The following KCNV2 variants were observed in gnomAD, a reference collection of about 807,000 sequenced individuals.
The protein encoded by KCNV2 is potassium voltage-gated channel modifier subfamily V member 2, also known as potassium voltage-gated channel subfamily V member 2.
KCNV2 carries 65 observed loss-of-function variants against 37.0 expected under a neutral mutation model. The observed-to-expected ratio is 1.76, with a 90% CI of 1.44 to 2.16. The LOEUF is 2.16. KCNV2 is among the 30% of genes most tolerant of loss of function. The pLI is 0.00. For synonymous variants in KCNV2, 518 were observed against 328.6 expected (o/e 1.58, Z -6.23); for missense variants, 1,232 against 766.7 (o/e 1.61, Z -7.17).
chr9:2,719,940 A>C (rs1436945639), intron 1 of KCNV2, among the ~76,000 whole-genome samples: 2 of 152,252 alleles, frequency 1.3e-5, no homozygotes, highest in African/African-American at 4.8e-5. Context: ...TGTTTACTCA[A>C]ATATCTGTAT....
intron 1 of KCNV2, among the ~76,000 whole-genome samples, chr9:2,724,037 G>A (rs1369849539): frequency 6.6e-6 from 1 of 151,106 alleles, no homozygotes; most frequent in Non-Finnish European, 1.5e-5. Flanking sequence ...GGGTTGGGGG[G>A]TGGAGGGCAT....
chr9:2,723,297 ATTC>A (rs1233493072), intron 1 of KCNV2, among the ~76,000 whole-genome samples: 3 of 152,152 alleles, frequency 2.0e-5, no homozygotes, highest in African/African-American at 7.2e-5. Context: ...TCTCTTATCC[ATTC>A]TTTTATGTAT....
At chr9:2,724,482 A>G (rs754359513) in intron 1 of KCNV2, among the ~76,000 whole-genome samples, 17 of 152,224 alleles carry the variant, frequency 1.1e-4, no homozygotes, top group Non-Finnish European at 2.2e-4. Flanking sequence ...GGAAAAGCAG[A>G]AAGAGAAAAC....
In KCNV2 at chr9:2,718,486, C is replaced by T; in HGVS notation, c.747C>T (p.Leu249=). ...YGPQRRRLWN[L]MEKPFSSVAA... The stretch of plus-strand genomic sequence containing the variant: ...CGCAGCGGCGCCGCCTCTGGAACCT[C>T]ATGGAGAAGCCATTCTCCTCGGTGG... The change falls in exon 1 of 2, where the codon CTC becomes CTT. Residue 249 remains leucine, a synonymous_variant. Transcript: ENST00000382082. 2 of 1,610,714 alleles carry T rather than the reference C, an allele frequency of 1.2e-6. No individual in the cohort carries two copies. Among genetic ancestry groups the T allele is most frequent in the Non-Finnish European group, 1.7e-6 (2 of 1,179,122 alleles).
At position 2,721,712 on chromosome 9, in the gene KCNV2, AAGAC is replaced by A. The variant is rs1300465238; in HGVS notation, c.1356+2621_1356+2624del. The stretch of plus-strand genomic sequence containing the variant: ...TCTGGAGCTTACATTCTAATGGAGA[AAGAC>A]AGATAATAAATAATTTCAGGTATTG... On this transcript the variant is annotated intron_variant, in intron 1 of 1. Coordinates refer to ENST00000382082, the MANE Select transcript of KCNV2 (RefSeq NM_133497.4). Among the ~76,000 whole-genome samples the A allele has an allele frequency of 3.3e-5, 5 of 152,310 alleles. No homozygotes were observed. The East Asian group carries it at 9.6e-4, about 29-fold the overall frequency.
chr9:2,718,974 GC>G lies in KCNV2; in HGVS notation c.1236del (p.Cys413AlafsTer41), dbSNP rs1381808187. The G allele has an allele frequency of 6.2e-7, 1 of 1,611,130 alleles. No homozygotes were observed. Among genetic ancestry groups the G allele is most frequent in the African/African-American group, 1.3e-5 (1 of 74,960 alleles). On this transcript the variant is annotated frameshift_variant, in exon 1 of 2. Coordinates refer to ENST00000382082, the MANE Select transcript of KCNV2 (RefSeq NM_133497.4). LOFTEE classifies it high-confidence loss of function. ...CTGCGCCAGTGCTACCAGCAGGTGG[GC>G]TGCCTGCTGCTCTTCATCGCCATGG... ...FTLRQCYQQV[G>X]CLLLFIAMGI...
chr9:2,726,248 C>A (rs1819965540), intron 1 of KCNV2, among the ~76,000 whole-genome samples: 1 of 152,126 alleles, frequency 6.6e-6, no homozygotes, highest in Non-Finnish European at 1.5e-5. Context: ...AGCCAAGGAA[C>A]AAGAAACAGA....
At position 2,717,792 on chromosome 9, in the gene KCNV2, C is replaced by T; in HGVS notation, c.53C>T (p.Thr18Met). The stretch of plus-strand genomic sequence containing the variant: ...TCCTGGAGCTACAGGCCCTGGAACA[C>T]GACGGAGAATGAGGGCAGCCAACAC... ...RRSWSYRPWNTTENEGSQHRR... is the reference protein window; with the variant it reads ...RRSWSYRPWNMTENEGSQHRR... The change falls in exon 1 of 2, where the codon ACG (threonine) becomes ATG (methionine). Residue 18 changes from threonine to methionine, a missense_variant. Transcript: ENST00000382082. 1 of 1,614,188 alleles carries T rather than the reference C, an allele frequency of 6.2e-7. No individual in the cohort carries two copies. The highest frequency in any genetic ancestry group is 8.5e-7 in the Non-Finnish European group (1 of 1,180,026).
In KCNV2 at chr9:2,718,122, C is replaced by A; in HGVS notation, c.383C>A (p.Thr128Asn). The A allele has an allele frequency of 6.2e-7, 1 of 1,603,420 alleles. No homozygotes were observed. Among genetic ancestry groups the A allele is most frequent in the Non-Finnish European group, 8.5e-7 (1 of 1,175,508 alleles). The change falls in exon 1 of 2, where the codon ACC (threonine) becomes AAC (asparagine). Residue 128 changes from threonine to asparagine, a missense_variant. Transcript: ENST00000382082. Reference sequence around the variant, plus strand: ...AAGACGCGCCTAGGTCGCCTGGCCACCTCCACCAGCCGCAGCCGCCAGCTA... The same window carrying A: ...AAGACGCGCCTAGGTCGCCTGGCCAACTCCACCAGCCGCAGCCGCCAGCTA... ...FPKTRLGRLATSTSRSRQLSL... is the reference protein window; with the variant it reads ...FPKTRLGRLANSTSRSRQLSL...
chr9:2,718,196 C>T lies in KCNV2; in HGVS notation c.457C>T (p.Arg153Cys), dbSNP rs771471592. The T allele has an allele frequency of 1.2e-6, 2 of 1,613,340 alleles. No homozygotes were observed. The highest frequency in any genetic ancestry group is 1.7e-5 in the Admixed American group (1 of 59,974). ...EEQTDEYFFD[R>C]DPAVFQLVYN... ...GCAGACAGACGAATACTTCTTCGAC[C>T]GCGACCCGGCCGTCTTCCAGCTGGT... The change falls in exon 1 of 2, where the codon CGC becomes TGC. Residue 153 changes from arginine to cysteine, a missense_variant. Coordinates refer to ENST00000382082, the MANE Select transcript of KCNV2 (RefSeq NM_133497.4).
At chr9:2,728,235 A>G (rs917613155) in intron 1 of KCNV2, among the ~76,000 whole-genome samples, 2 of 152,222 alleles carry the variant, frequency 1.3e-5, no homozygotes, top group Non-Finnish European at 2.9e-5. Context: ...GCACGGATCA[A>G]CAAGATGACC....
rs774569926 is a variant in KCNV2 at position 2,718,723 on chromosome 9, G to A, written c.984G>A (p.Arg328=). The change falls in exon 1 of 2, where the codon AGG becomes AGA. Residue 328 remains arginine, a synonymous_variant. Coordinates refer to ENST00000382082, the MANE Select transcript of KCNV2 (RefSeq NM_133497.4). The part of the protein sequence containing the change: ...LLRLASTPDL[R]RFARSALNLV... ...GCCTAGCCTCCACGCCCGACCTGAG[G>A]CGCTTCGCGCGCAGCGCCCTCAACC... 17 of 1,612,668 alleles carry A rather than the reference G, an allele frequency of 1.1e-5. No individual in the cohort carries two copies. In the South Asian group the frequency reaches 1.6e-4, roughly 16 times the overall value.
Position 2,718,819 on chromosome 9 carries a change from C to A in KCNV2, c.1080C>A (p.His360Gln), listed in dbSNP as rs763381795. 6.2e-7 allele frequency: 1 copy of A among 1,609,974 alleles called. No homozygotes were observed. The highest frequency in any genetic ancestry group is 8.5e-7 in the Non-Finnish European group (1 of 1,179,926). ...TCGAGTGCTTCACGGGCGAGGGCCA[C>A]CAACGCGGCCAGACGGTGGGCAGCG... is the stretch of plus-strand genomic sequence containing the variant. ...LLLECFTGEG[H>Q]QRGQTVGSVG... The change falls in exon 1 of 2, where the codon CAC (histidine) becomes CAA (glutamine). Residue 360 changes from histidine to glutamine, a missense_variant. Coordinates refer to ENST00000382082, the MANE Select transcript of KCNV2 (RefSeq NM_133497.4).
rs1819750672 is a variant in KCNV2, at chr9:2,717,529, T to G, written c.-211T>G. 1.7e-6 allele frequency: 1 copy of G among 604,496 alleles called. No homozygotes were observed. Among genetic ancestry groups the G allele is most frequent in the Admixed American group, 2.9e-5 (1 of 34,408 alleles). The allele number at this position is 604,496 out of a possible 1,614,324, so 37.4% of individuals were successfully genotyped here. A position where few individuals can be genotyped will look rare whatever the true frequency, so the allele number is the denominator to read the frequency against. On this transcript the variant is annotated 5_prime_UTR_variant, in exon 1 of 2. Coordinates refer to ENST00000382082, the MANE Select transcript of KCNV2 (RefSeq NM_133497.4). ...AAGATTAGAGCAGTCAACAGCTGAC[T>G]GCGTTCAGACCCTGCAGGCTGGGCT...
In KCNV2 at chr9:2,717,888, A is replaced by G. The variant is rs770575580; in HGVS notation, c.149A>G (p.Asn50Ser). Residue 50 changes from asparagine to serine, a missense_variant, in exon 1 of 2, where the codon AAC (asparagine) becomes AGC (serine). Coordinates refer to ENST00000382082, the MANE Select transcript of KCNV2 (RefSeq NM_133497.4). ...AGCATCCACGGCTGGACAGAGGGCA[A>G]CTATAACTACTACATCGAGGAAGAC... is the stretch of plus-strand genomic sequence containing the variant. ...QASIHGWTEG[N>S]YNYYIEEDED... is the part of the protein sequence containing the mutation. 1 of 1,614,208 alleles carries G rather than the reference A, an allele frequency of 6.2e-7. No individual in the cohort carries two copies. Among genetic ancestry groups the G allele is most frequent in the South Asian group, 1.1e-5 (1 of 91,086 alleles).
rs75429824 is a variant in KCNV2 at position 2,725,018 on chromosome 9, G to C, written c.1357-4428G>C. Among the ~76,000 whole-genome samples, 309 of 152,296 alleles carry C rather than the reference G, an allele frequency of 2.0e-3. 3 individuals carry two copies. Among genetic ancestry groups the C allele is most frequent in the African/African-American group, 7.3e-3 (302 of 41,548 alleles). ...TTTTATCTTATGGATTCCCAATTTT[G>C]GAGTGGTCTCCTTTTATGTCTTTAA... On this transcript the variant is annotated intron_variant, in intron 1 of 1. Coordinates refer to ENST00000382082, the MANE Select transcript of KCNV2 (RefSeq NM_133497.4).
chr9:2,729,169 T>C lies in KCNV2; in HGVS notation c.1357-277T>C, dbSNP rs141502750. Among the ~76,000 whole-genome samples, 311 of 152,272 alleles carry C rather than the reference T, an allele frequency of 2.0e-3. 2 individuals are homozygous for C. Among genetic ancestry groups the C allele is most frequent in the African/African-American group, 6.8e-3 (284 of 41,544 alleles). On this transcript the variant is annotated intron_variant, in intron 1 of 1. Coordinates refer to ENST00000382082, the MANE Select transcript of KCNV2 (RefSeq NM_133497.4). The stretch of plus-strand genomic sequence containing the variant: ...CTTTACAGCAACCATTTCAAGTAGG[T>C]ATTACCTCCTCCTCCCATATCTTAC...
chr9:2,728,450 T>C (rs1000390475), intron 1 of KCNV2, among the ~76,000 whole-genome samples: 2 of 152,208 alleles, frequency 1.3e-5, no homozygotes, highest in African/African-American at 4.8e-5. Flanking sequence ...CCAAGGAATT[T>C]TCACAGGGTT....
intron 1 of KCNV2, among the ~76,000 whole-genome samples, chr9:2,726,222 CCTG>C (rs1350958408): frequency 6.6e-6 from 1 of 152,140 alleles, no homozygotes; most frequent in East Asian, 1.9e-4. Flanking sequence ...GCCAAGGAAT[CCTG>C]AGTTCCTCCT....
Sources: allele counts gnomAD v4.1 joint callset (sites outside exome capture counted in the v4.1 genomes callset), GRCh38; gene constraint gnomAD v4.1.1; transcripts MANE v1.5; gene names NCBI Gene and HGNC (gene_info 2026-07-23, HGNC 2026-07-21).